The following LRFN2 variants were observed in gnomAD, a reference collection of about 807,000 sequenced individuals.
LRFN2 encodes leucine rich repeat and fibronectin type III domain containing 2, also known as leucine-rich repeat and fibronectin type-III domain-containing protein 2.
Under a neutral mutation model 37.3 loss-of-function variants are expected in LRFN2, and 18 were observed. The observed-to-expected ratio is 0.48, with a 90% CI of 0.33 to 0.72. LRFN2 has a LOEUF of 0.72. Ranked by LOEUF, LRFN2 falls within the 30% of genes least tolerant of loss-of-function variation. The pLI, the probability that LRFN2 is intolerant of heterozygous loss-of-function variation, is 0.02. For missense variants in LRFN2, 1,006 were observed against 1,060.7 expected (o/e 0.95, Z 0.72); for synonymous variants, 556 against 466.6 (o/e 1.19, Z -2.47).
Position 40,432,473 on chromosome 6 carries a change from G to A in LRFN2, c.641C>T (p.Pro214Leu). ...CTGGGAGCGGGCAAAGATGGGATCA[G>A]GGGGCAGCTTCTGCAGCCGATTGGA... ...LTSNRLQKLP[P>L]DPIFARSQAS... Residue 214 changes from proline to leucine, a missense_variant, in exon 2 of 3, where the codon CCT (proline) becomes CTT (leucine). Physicochemically the swap from Pro to Leu is moderately conservative, Grantham distance 98. Coordinates refer to ENST00000338305, the MANE Select transcript of LRFN2 (RefSeq NM_020737.3). 1 of 1,614,240 alleles carries A rather than the reference G, an allele frequency of 6.2e-7. No homozygotes were observed. The highest frequency in any genetic ancestry group is 8.5e-7 in the Non-Finnish European group (1 of 1,180,042).
intron 1 of LRFN2, among the ~76,000 whole-genome samples, chr6:40,435,040 TATATATATATATAGAG>T (rs1454956658): frequency 1.3e-3 from 119 of 93,686 alleles, no homozygotes; most frequent in African/African-American, 5.0e-3. Context: ...TATATATATA[TATATATATATATAGAG>T]AGAGAGAGAG....
chr6:40,448,168 C>T (rs1360185845), intron 1 of LRFN2, among the ~76,000 whole-genome samples: 1 of 152,136 alleles, frequency 6.6e-6, no homozygotes, highest in Non-Finnish European at 1.5e-5. Context: ...CATCACTTGG[C>T]CTTGGGATTT....
intron 1 of LRFN2, among the ~76,000 whole-genome samples, chr6:40,540,968 G>A (rs928185001): frequency 6.6e-6 from 1 of 152,210 alleles, no homozygotes; most frequent in African/African-American, 2.4e-5. Context: ...TGTGCCCCCG[G>A]CAAAGAAGGA....
intron 1 of LRFN2, among the ~76,000 whole-genome samples, chr6:40,523,049 C>G (rs1307158941): frequency 1.3e-5 from 2 of 152,208 alleles, no homozygotes; most frequent in Admixed American, 6.5e-5. Context: ...CAAACATGCA[C>G]TGTGACGCAA....
At chr6:40,463,039 A>G (rs1764379440) in intron 1 of LRFN2, among the ~76,000 whole-genome samples, 1 of 152,220 alleles carries the variant, frequency 6.6e-6, no homozygotes, top group Admixed American at 6.5e-5. Flanking sequence ...CTCTTCCCTC[A>G]TCTCCTTCCT....
chr6:40,408,554 A>G (rs1347397396), intron 2 of LRFN2, among the ~76,000 whole-genome samples: 1 of 152,206 alleles, frequency 6.6e-6, no homozygotes, highest in Non-Finnish European at 1.5e-5. Flanking sequence ...CCTGGGAAGA[A>G]GTCGCTGAAG....
chr6:40,432,592 G>T lies in LRFN2; in HGVS notation c.522C>A (p.Asn174Lys). ...TGTGGTCCAGGCTCAGCTGGTGGAG[G>T]TTGACCATGCGTCGCACGGAGTCCC... ...LPWDSVRRMV[N>K]LHQLSLDHNL... Residue 174 changes from asparagine to lysine, a missense_variant, in exon 2 of 3, where the codon AAC becomes AAA. Around this residue, in one of 4 missense-constraint regions of LRFN2, gnomAD observed 185 missense variants for 254.9 expected, o/e 0.73. Coordinates refer to ENST00000338305, the MANE Select transcript of LRFN2 (RefSeq NM_020737.3). The T allele has an allele frequency of 1.2e-6, 2 of 1,614,238 alleles. No individual in the cohort carries two copies. The highest frequency in any genetic ancestry group is 1.7e-6 in the Non-Finnish European group (2 of 1,180,050).
intron 1 of LRFN2, among the ~76,000 whole-genome samples, chr6:40,468,717 G>A (rs1439724474): frequency 1.3e-5 from 2 of 152,198 alleles, no homozygotes; most frequent in African/African-American, 2.4e-5. Context: ...TGCCTGTGAG[G>A]TGGTGGGAGG....
chr6:40,552,896 G>A (rs1227378947), intron 1 of LRFN2, among the ~76,000 whole-genome samples: 2 of 152,100 alleles, frequency 1.3e-5, no homozygotes, highest in African/African-American at 4.8e-5. Flanking sequence ...GTGTTGGAGT[G>A]TTCTTATCCT....
chr6:40,494,765 C>T (rs951745379), intron 1 of LRFN2, among the ~76,000 whole-genome samples: 25 of 152,154 alleles, frequency 1.6e-4, no homozygotes, highest in African/African-American at 6.0e-4. Context: ...TTGTCATCTC[C>T]TATCTCACTC....
chr6:40,442,376 G>C (rs1561857638), intron 1 of LRFN2, among the ~76,000 whole-genome samples: 1 of 152,210 alleles, frequency 6.6e-6, no homozygotes, highest in Non-Finnish European at 1.5e-5. Flanking sequence ...GCAAAGGCTA[G>C]GAGGCTAGGT....
At chr6:40,538,493 G>GGGCCCTCTTCTT in intron 1 of LRFN2, among the ~76,000 whole-genome samples, 1 of 152,342 alleles carries the variant, frequency 6.6e-6, no homozygotes, top group Non-Finnish European at 1.5e-5. Flanking sequence ...CTTAAGAAGA[G>GGGCCCTCTTCTT]AAATCCTCGC....
At chr6:40,491,359 G>T (rs1223970012) in intron 1 of LRFN2, among the ~76,000 whole-genome samples, 1 of 152,228 alleles carries the variant, frequency 6.6e-6, no homozygotes, top group Non-Finnish European at 1.5e-5. Flanking sequence ...CCCTTGTCAA[G>T]GCCATCATCT....
At chr6:40,501,640 A>G (rs1188263589) in intron 1 of LRFN2, 1 of 152,122 alleles carries the variant, frequency 6.6e-6, no homozygotes, top group Non-Finnish European at 1.5e-5. Context: ...TTTTTAAATA[A>G]TCAGATTAAT....
chr6:40,473,790 T>C (rs1005103806), intron 1 of LRFN2, among the ~76,000 whole-genome samples: 9 of 152,184 alleles, frequency 5.9e-5, no homozygotes, highest in African/African-American at 2.2e-4. Flanking sequence ...TGTATCCATG[T>C]GTTCTCATTG....
intron 1 of LRFN2, among the ~76,000 whole-genome samples, chr6:40,524,368 C>T (rs565539183): frequency 4.0e-4 from 61 of 151,868 alleles, no homozygotes; most frequent in African/African-American, 1.4e-3. Flanking sequence ...TCCCCCTACC[C>T]TGACTTACTG....
Position 40,440,453 on chromosome 6 carries a change from C to T in LRFN2, c.-18-7322G>A, listed in dbSNP as rs148882967. On this transcript the variant is annotated intron_variant, in intron 1 of 2. Coordinates refer to ENST00000338305, the MANE Select transcript of LRFN2 (RefSeq NM_020737.3). ...AATCCAGTACCTGGCACTGAGTAGG[C>T]ACCTGGGATATGTTTGAGGAGAGAA... Among the ~76,000 whole-genome samples, 718 of 152,240 alleles carry T rather than the reference C, an allele frequency of 4.7e-3. 5 individuals are homozygous for T. Among genetic ancestry groups the T allele is most frequent in the Non-Finnish European group, 7.0e-3 (478 of 68,030 alleles).
At chr6:40,504,646 A>G (rs1765481521) in intron 1 of LRFN2, among the ~76,000 whole-genome samples, 1 of 152,186 alleles carries the variant, frequency 6.6e-6, no homozygotes, top group Non-Finnish European at 1.5e-5. Context: ...ATGTATATGG[A>G]AAGACCTCTT....
chr6:40,429,363 C>T (rs556335796), intron 2 of LRFN2, among the ~76,000 whole-genome samples: 9 of 152,332 alleles, frequency 5.9e-5, no homozygotes, highest in African/African-American at 1.4e-4. Context: ...CTCCCCCTCA[C>T]GAACTGCGTT....
Sources: gnomAD v4.1 joint callset for allele counts (sites outside exome capture counted in the v4.1 genomes callset) on GRCh38, gnomAD v4.1.1 for gene constraint, gnomAD v4.1.1 regional missense constraint, MANE v1.5 for transcripts, NCBI Gene and HGNC (gene_info 2026-07-23, HGNC 2026-07-21) for gene names.